CYP51A1: variants seen among roughly 807,000 people sequenced by gnomAD.
The protein encoded by CYP51A1 is cytochrome P450 family 51 subfamily A member 1, also known as lanosterol 14-alpha demethylase.
CYP51A1 carries 45 observed loss-of-function variants against 53.5 expected under a neutral mutation model. The ratio of observed to expected loss-of-function variants is 0.84; its 90% CI spans 0.66 to 1.08. The LOEUF (loss-of-function observed/expected upper bound fraction) is 1.08. Among genes scored for constraint, CYP51A1 ranks in the 50% least tolerant of loss-of-function variants. The pLI, the probability that CYP51A1 is intolerant of heterozygous loss-of-function variation, is 0.00. For synonymous variants in CYP51A1, 181 were observed against 217.7 expected, an observed-to-expected ratio of 0.83 and a Z score of 1.48; for missense variants, 462 against 621.7, an observed-to-expected ratio of 0.74 and a Z score of 2.73.
At position 92,113,811 on chromosome 7, in the gene CYP51A1, A is replaced by T. The variant is rs563098505; in HGVS notation, c.1384T>A (p.Tyr462Asn). 2 of 1,607,354 alleles carry T rather than the reference A, an allele frequency of 1.2e-6. No homozygotes were observed. The highest frequency in any genetic ancestry group is 1.7e-5 in the Admixed American group (1 of 57,760). ...GACCAAATTGTCTTAATTTGAACAT[A>T]GGCAAAATTTTCCCCAATACAACGA... is the stretch of plus-strand genomic sequence containing the variant. ...RHRCIGENFA[Y>N]VQIKTIWSTM... Residue 462 changes from tyrosine to asparagine, a missense_variant, in exon 10 of 10, where the codon TAT becomes AAT. Tyr to Asn is a moderately radical substitution (Grantham distance 143). Transcript: ENST00000003100.
chr7:92,117,344 C>A, intron 8 of CYP51A1, 132 bp from the exon 9 acceptor site: 1 of 654,534 alleles, frequency 1.5e-6, no homozygotes, highest in Non-Finnish European at 2.4e-6. Context: ...GGTTTACATC[C>A]TGATAAATCC....
At chr7:92,121,311 C>G (rs1563178765) in intron 7 of CYP51A1, among the ~76,000 whole-genome samples, 2 of 151,532 alleles carry the variant, frequency 1.3e-5, no homozygotes. Flanking sequence ...TCACTTCACA[C>G]CTATTATAAT....
Position 92,113,568 on chromosome 7 carries a change from CAG to C in CYP51A1, c.*95_*96del. 2.6e-6 allele frequency: 3 copies of C among 1,160,678 alleles called. No homozygotes were observed. The highest frequency in any genetic ancestry group is 3.7e-6 in the Non-Finnish European group (3 of 811,242). 71.9% of individuals were successfully genotyped at this position (1,160,678 alleles called of 1,614,324 possible). ...TTTTAGAATTACACACTTAAAAAAA[CAG>C]TAAACTACAAGAGTTGTTTTGTACA... On this transcript the variant is annotated 3_prime_UTR_variant, in exon 10 of 10. Coordinates refer to ENST00000003100, the MANE Select transcript of CYP51A1 (RefSeq NM_000786.4).
Position 92,118,566 on chromosome 7 carries a change from A to C in CYP51A1, c.1136T>G (p.Leu379Arg). 1 of 1,601,250 alleles carries C rather than the reference A, an allele frequency of 6.2e-7. No homozygotes were observed. The highest frequency in any genetic ancestry group is 1.1e-5 in the South Asian group (1 of 90,820). ...CATCATGATCATTATAGGAGGTCTA[A>C]GTCTTAATGTTTCTTTTATACAGCG... ...LDRCIKETLR[L>R]RPPIMIMMRM... The change falls in exon 8 of 10, where the codon CTT (leucine) becomes CGT (arginine). Residue 379 changes from leucine to arginine, a missense_variant. Leu to Arg is a moderately radical substitution (Grantham distance 102, BLOSUM62 -2). Coordinates refer to ENST00000003100, the MANE Select transcript of CYP51A1 (RefSeq NM_000786.4).
chr7:92,119,327 G>T (rs1185571036), intron 7 of CYP51A1, among the ~76,000 whole-genome samples: 1 of 152,138 alleles, frequency 6.6e-6, no homozygotes, highest in Admixed American at 6.5e-5. Flanking sequence ...GCCCAGGTAA[G>T]ATCTAAGAGG....
intron 5 of CYP51A1, among the ~76,000 whole-genome samples, chr7:92,125,847 T>C (rs1450029619): frequency 1.3e-5 from 2 of 151,766 alleles, no homozygotes; most frequent in East Asian, 3.9e-4. Flanking sequence ...AATAGAAAAA[T>C]TAGTTGGGCA....
At chr7:92,133,077 T>C (rs970296119) in intron 1 of CYP51A1, among the ~76,000 whole-genome samples, 13 of 152,226 alleles carry the variant, frequency 8.5e-5, no homozygotes, top group African/African-American at 2.4e-4. Flanking sequence ...CTCTTTCTTA[T>C]GCCTGGTATG....
At chr7:92,132,799 G>A (rs968380017) in intron 1 of CYP51A1, among the ~76,000 whole-genome samples, 1 of 152,132 alleles carries the variant, frequency 6.6e-6, no homozygotes, top group Non-Finnish European at 1.5e-5. Flanking sequence ...AAGAACTCTA[G>A]CATTCTTCAT....
At chr7:92,116,408 T>C (rs1169509518) in intron 9 of CYP51A1, among the ~76,000 whole-genome samples, 2 of 152,220 alleles carry the variant, frequency 1.3e-5, no homozygotes, top group African/African-American at 4.8e-5. Context: ...CAATGACAAG[T>C]CATCTGTCAT....
At chr7:92,119,675 C>A (rs1479616786) in intron 7 of CYP51A1, among the ~76,000 whole-genome samples, 1 of 151,986 alleles carries the variant, frequency 6.6e-6, no homozygotes, top group Non-Finnish European at 1.5e-5. Context: ...CCACAGTTGC[C>A]ACATTATTTT....
chr7:92,127,794 C>T (rs1819831619), intron 3 of CYP51A1, among the ~76,000 whole-genome samples, 163 bp from the exon 4 acceptor site: 1 of 152,160 alleles, frequency 6.6e-6, no homozygotes, highest in African/African-American at 2.4e-5. Flanking sequence ...CTATCTGACT[C>T]TAAATGAATA....
chr7:92,126,012 T>C (rs548003721), intron 5 of CYP51A1, among the ~76,000 whole-genome samples: 93 of 152,068 alleles, frequency 6.1e-4, no homozygotes, highest in Non-Finnish European at 5.0e-4. Flanking sequence ...AAAACATAAA[T>C]AAAATATTAG....
At chr7:92,122,234 G>T (rs1314826637) in intron 7 of CYP51A1, among the ~76,000 whole-genome samples, 1 of 150,500 alleles carries the variant, frequency 6.6e-6, no homozygotes, top group Admixed American at 6.6e-5. Flanking sequence ...GAAAAGCACA[G>T]ATCTAGATGA....
chr7:92,129,122 T>TA (rs1405179019), intron 2 of CYP51A1, 66 bp from the exon 3 acceptor site: 2 of 1,007,564 alleles, frequency 2.0e-6, no homozygotes, highest in Non-Finnish European at 2.8e-6. Flanking sequence ...AGTAACTTTT[T>TA]AAAATCACAA....
rs1584624634 is a variant in CYP51A1 at position 92,112,395 on chromosome 7, A to G, written c.*1270T>C. The G allele has an allele frequency of 6.6e-6, 1 of 152,344 alleles. No individual in the cohort carries two copies. Among genetic ancestry groups the G allele is most frequent in the Non-Finnish European group, 1.5e-5 (1 of 68,024 alleles). 9.4% of individuals were successfully genotyped at this position (152,344 alleles called of 1,614,324 possible). On this transcript the variant is annotated 3_prime_UTR_variant, in exon 10 of 10. Coordinates refer to ENST00000003100, the MANE Select transcript of CYP51A1 (RefSeq NM_000786.4). ...AGAATGTGCTTTACAGAATGTGACCAATTTTATTACTCCCAAGGACCTTGT... is the reference window on the plus strand; with the variant it reads ...AGAATGTGCTTTACAGAATGTGACCGATTTTATTACTCCCAAGGACCTTGT...
chr7:92,120,155 T>C (rs1819661459), intron 7 of CYP51A1, among the ~76,000 whole-genome samples: 1 of 152,166 alleles, frequency 6.6e-6, no homozygotes, highest in African/African-American at 2.4e-5. Context: ...CATCTCATGT[T>C]CACAGATTTA....
In CYP51A1 at chr7:92,117,165, A is replaced by T; in HGVS notation, c.1230T>A (p.Ser410=). Residue 410 remains serine, a synonymous_variant, in exon 9 of 10, where the codon TCT becomes TCA. Transcript: ENST00000003100. The part of the protein sequence containing the change: ...TIPPGHQVCV[S]PTVNQRLKDS... Reference sequence around the variant, plus strand: ...CTTTAAGTCTTTGATTGACAGTGGGAGAAACACACACCTGATGTCCTGGAG... The same window carrying T: ...CTTTAAGTCTTTGATTGACAGTGGGTGAAACACACACCTGATGTCCTGGAG... 6.2e-7 allele frequency: 1 copy of T among 1,614,128 alleles called. No homozygotes were observed. Among genetic ancestry groups the T allele is most frequent in the Middle Eastern group, 1.6e-4 (1 of 6,062 alleles).
intron 9 of CYP51A1, among the ~76,000 whole-genome samples, chr7:92,115,872 T>C (rs1029568395): frequency 1.3e-5 from 2 of 152,206 alleles, no homozygotes; most frequent in Non-Finnish European, 2.9e-5. Context: ...CACAACCCAT[T>C]TCTAGTAAAG....
chr7:92,128,870 T>C lies in CYP51A1; in HGVS notation c.468+10A>G, dbSNP rs761494487. The C allele has an allele frequency of 1.9e-6, 3 of 1,607,016 alleles. No homozygotes were observed. The highest frequency in any genetic ancestry group is 2.2e-5 in the South Asian group (2 of 90,386). The stretch of plus-strand genomic sequence containing the variant: ...GATTTGTCTTTATTTATGGTAACAG[T>C]GTCACCTACTGGATTAGGCACATCG... On this transcript the variant is annotated intron_variant, in intron 3 of 9. Coordinates refer to ENST00000003100, the MANE Select transcript of CYP51A1 (RefSeq NM_000786.4).
Sources: allele counts gnomAD v4.1 joint callset (sites outside exome capture counted in the v4.1 genomes callset), GRCh38; gene constraint gnomAD v4.1.1; transcripts MANE v1.5; gene names NCBI Gene and HGNC (gene_info 2026-07-23, HGNC 2026-07-21).